The following TFAP2A variants were observed in gnomAD, a reference collection of about 807,000 sequenced individuals.
TFAP2A encodes transcription factor AP-2-alpha.
TFAP2A carries 7 observed loss-of-function variants against 41.5 expected under a neutral mutation model. The ratio of observed to expected loss-of-function variants is 0.17; its 90% confidence interval spans 0.10 to 0.32. The LOEUF (loss-of-function observed/expected upper bound fraction) is 0.32. TFAP2A is among the 10% of genes least tolerant of loss of function. The probability of loss-of-function intolerance (pLI) is 1.00; values close to 1 mark genes in which losing one functional copy is unlikely to be tolerated. For synonymous variants in TFAP2A, 247 were observed against 242.8 expected, an observed-to-expected ratio of 1.02 and a Z score of -0.16; for missense variants, 416 against 563.3, an observed-to-expected ratio of 0.74 and a Z score of 2.65.
intron 4 of TFAP2A, 37 bp from the exon 5 acceptor site, chr6:10,402,647 A>G (rs759314552): frequency 6.8e-7 from 1 of 1,466,782 alleles, no homozygotes; most frequent in Admixed American, 1.7e-5. Flanking sequence ...GGATTTAGAA[A>G]ACATTGGGTT....
upstream of TFAP2A, chr6:10,418,443 C>G (rs181360301): frequency 2.5e-4 from 38 of 152,382 alleles, no homozygotes; most frequent in Admixed American, 2.4e-3. Flanking sequence ...CACACAGAAT[C>G]TCACCCTCAC....
chr6:10,408,995 A>G (rs368017059), intron 2 of TFAP2A: 2 of 152,252 alleles, frequency 1.3e-5, no homozygotes, highest in African/African-American at 2.4e-5. Context: ...CAGCTTTAAT[A>G]AAATTATTGG....
At chr6:10,404,383 T>G in intron 4 of TFAP2A, 125 bp downstream of exon 4, 4 of 284,626 alleles carry the variant, frequency 1.4e-5, no homozygotes, top group Non-Finnish European at 5.3e-6. Flanking sequence ...CCCCGCCCCC[T>G]TTCCTTTCCC....
intron 2 of TFAP2A, among the ~76,000 whole-genome samples, chr6:10,408,372 A>G (rs1456600344): frequency 6.6e-6 from 1 of 152,212 alleles, no homozygotes; most frequent in African/African-American, 2.4e-5. Context: ...GGTGTTAAGA[A>G]TTCACCTTGA....
At position 10,404,742 on chromosome 6, in the gene TFAP2A, G is replaced by A. The variant is rs757530487; in HGVS notation, c.539-3C>T. The A allele has an allele frequency of 5.9e-5, 96 of 1,613,540 alleles. No individual in the cohort carries two copies. The highest frequency in any genetic ancestry group is 7.8e-5 in the Non-Finnish European group (92 of 1,179,546). ...GGACTTGGACAGGGACACGGGGCCT[G>A]CGGAGACAGAGGGGAGGCCGCGTGT... is the stretch of plus-strand genomic sequence containing the variant. On this transcript the variant is annotated splice_polypyrimidine_tract_variant and splice_region_variant and intron_variant, in intron 3 of 6. Coordinates refer to ENST00000379613, the MANE Select transcript of TFAP2A (RefSeq NM_001372066.1).
Position 10,412,596 on chromosome 6 carries a change from G to A in TFAP2A, c.52-2261C>T, listed in dbSNP as rs115290773. On this transcript the variant is annotated intron_variant, in intron 1 of 6. Transcript: ENST00000379613. ...GGACAATCAGACCTAAAAGGCTGGG[G>A]CAGACCTCGGGATGCAGCGGGGGTC... 0.011 allele frequency: 2,447 copies of A among 224,742 alleles called. 65 individuals are homozygous for A. The highest frequency in any genetic ancestry group is 0.054 in the African/African-American group (2,291 of 42,130). The allele number at this position is 224,742 out of a possible 1,614,324, so 13.9% of individuals were successfully genotyped here. A position where few individuals can be genotyped will look rare whatever the true frequency, so the allele number is the denominator to read the frequency against.
intron 1 of TFAP2A, chr6:10,412,340 A>G (rs1211226953): frequency 2.3e-5 from 22 of 958,522 alleles, no homozygotes; most frequent in East Asian, 1.2e-4. Context: ...ACCGAAGGAG[A>G]GAGCGCAGAG....
At chr6:10,407,149 CTCAG>C (rs1192600028) in intron 2 of TFAP2A, 2 of 418,336 alleles carry the variant, frequency 4.8e-6, no homozygotes, top group Non-Finnish European at 8.8e-6. Context: ...CCTAATCATT[CTCAG>C]TCAGTTCAAC....
At chr6:10,415,512 T>A (rs1259164292), upstream of TFAP2A, 1 of 224,128 alleles carries the variant, frequency 4.5e-6, no homozygotes, top group African/African-American at 2.3e-5. Flanking sequence ...TTCCGCCACA[T>A]TCCCCTTCCT....
upstream of TFAP2A, among the ~76,000 whole-genome samples, chr6:10,419,180 T>G (rs2113241150): frequency 6.6e-6 from 1 of 152,162 alleles, no homozygotes; most frequent in Admixed American, 6.5e-5. Flanking sequence ...GCGCCGGACT[T>G]CCCCGGCGCC....
Position 10,396,685 on chromosome 6 carries a change from A to G in TFAP2A, c.*1732T>C, listed in dbSNP as rs1289281376. Reference sequence around the variant, plus strand: ...AATGAAAACCTAAAGGATCAACATAAATAAAATAAAACTTTATTTTTAATA... The same window carrying G: ...AATGAAAACCTAAAGGATCAACATAGATAAAATAAAACTTTATTTTTAATA... On this transcript the variant is annotated 3_prime_UTR_variant, in exon 7 of 7. Transcript: ENST00000379613. 1 of 152,320 alleles carries G rather than the reference A, an allele frequency of 6.6e-6. No homozygotes were observed. Among genetic ancestry groups the G allele is most frequent in the African/African-American group, 2.4e-5 (1 of 41,456 alleles). 9.4% of individuals were successfully genotyped at this position (152,320 alleles called of 1,614,324 possible).
At position 10,414,128 on chromosome 6, in the gene TFAP2A, G is replaced by A. The variant is rs552547199; in HGVS notation, c.51+813C>T. On this transcript the variant is annotated intron_variant, in intron 1 of 6. Coordinates refer to ENST00000379613, the MANE Select transcript of TFAP2A (RefSeq NM_001372066.1). ...GCCCAGCGGGCTTGCGGCACCAGAG[G>A]TGGTCTGCAGCCGCGCAAGGATTCC... Among the ~76,000 whole-genome samples the A allele has an allele frequency of 5.9e-5, 9 of 152,350 alleles. No individual in the cohort carries two copies. In the South Asian group the frequency reaches 1.2e-3, roughly 21 times the overall value.
In TFAP2A at chr6:10,414,991, TGGATCGGCGTGAAC is replaced by T; in HGVS notation, c.-14_-1del. On this transcript the variant is annotated 5_prime_UTR_variant, in exon 1 of 7. Transcript: ENST00000379613. ...TCCGTCAATTTCCAAAGCATTTTCA[TGGATCGGCGTGAAC>T]GGATATGCCCCTCTCGGTCTCGCAC... is the stretch of plus-strand genomic sequence containing the variant. 6.2e-7 allele frequency: 1 copy of T among 1,614,150 alleles called. No homozygotes were observed. The highest frequency in any genetic ancestry group is 8.5e-7 in the Non-Finnish European group (1 of 1,180,042).
At chr6:10,404,164 G>A (rs1247758706) in intron 4 of TFAP2A, among the ~76,000 whole-genome samples, 1 of 152,230 alleles carries the variant, frequency 6.6e-6, no homozygotes, top group Non-Finnish European at 1.5e-5. Context: ...ACGGCGCCCC[G>A]CGGCTGCAGT....
intron 2 of TFAP2A, 187 bp downstream of exon 2, chr6:10,409,714 G>A (rs538233767): frequency 6.0e-6 from 4 of 665,780 alleles, no homozygotes; most frequent in South Asian, 1.9e-5. Flanking sequence ...TTGTTCTGGG[G>A]TAGAACTCGC....
intron 1 of TFAP2A, chr6:10,411,765 C>T (rs1757982411): frequency 6.8e-7 from 1 of 1,473,396 alleles, no homozygotes; most frequent in African/African-American, 1.4e-5. Context: ...GAGCCCGGCT[C>T]GGATCCATCC....
chr6:10,414,624 G>T (rs965590256), intron 1 of TFAP2A: 1 of 535,308 alleles, frequency 1.9e-6, no homozygotes, highest in African/African-American at 1.9e-5. Context: ...ACAGGCAAGT[G>T]CCCAGTTGCC....
chr6:10,401,180 G>C (rs1424597316), intron 5 of TFAP2A, among the ~76,000 whole-genome samples: 1 of 152,178 alleles, frequency 6.6e-6, no homozygotes, highest in Non-Finnish European at 1.5e-5. Context: ...GCGCCAATTA[G>C]AGCATCAAAG....
intron 2 of TFAP2A, 63 bp downstream of exon 2, chr6:10,409,838 C>A (rs1430478988): frequency 6.5e-7 from 1 of 1,528,192 alleles, no homozygotes; most frequent in African/African-American, 1.4e-5. Context: ...TTCCAGGTAT[C>A]CTTTCTGGGG....
Sources: allele counts gnomAD v4.1 joint callset (sites outside exome capture counted in the v4.1 genomes callset), GRCh38; gene constraint gnomAD v4.1.1; transcripts MANE v1.5; gene names NCBI Gene and HGNC (gene_info 2026-07-23, HGNC 2026-07-21).